The following ELMO1 variants were observed in gnomAD, a reference collection of about 807,000 sequenced individuals.
The protein encoded by ELMO1 is engulfment and cell motility protein 1.
Under a neutral mutation model 98.9 loss-of-function variants are expected in ELMO1, and 26 were observed. That is an observed-to-expected ratio of 0.26 (90% CI 0.19 to 0.36). The LOEUF (loss-of-function observed/expected upper bound fraction) is 0.36. ELMO1 is among the 10% of genes least tolerant of loss of function. The pLI is 1.00. For synonymous variants in ELMO1, 346 were observed against 346.0 expected (o/e 1.00, Z 0.00); for missense variants, 627 against 935.2 (o/e 0.67, Z 4.30).
intron 1 of ELMO1, among the ~76,000 whole-genome samples, chr7:37,445,140 T>C (rs1805558991): frequency 6.6e-6 from 1 of 152,212 alleles, no homozygotes; most frequent in South Asian, 2.1e-4. Context: ...ACTGCTGGTC[T>C]TGGCCTACTA....
chr7:37,224,933 T>C lies in ELMO1; in HGVS notation c.647A>G (p.Tyr216Cys), dbSNP rs1402144750. ...GGTGATCTCCTGCGCCACTTTCTGG[T>C]AGAGGTCATGGCTATTGAGCACCAT... ...ESMVLNSHDL[Y>C]QKVAQEITIG... is the part of the protein sequence containing the mutation. Residue 216 changes from tyrosine to cysteine, a missense_variant, in exon 9 of 22, where the codon TAC becomes TGC. Physicochemically the swap from Tyr to Cys is radical, Grantham distance 194. Transcript: ENST00000310758. 6.2e-7 allele frequency: 1 copy of C among 1,614,114 alleles called. No homozygotes were observed. Among genetic ancestry groups the C allele is most frequent in the Non-Finnish European group, 8.5e-7 (1 of 1,179,990 alleles).
chr7:37,187,657 T>A (rs1791296937), intron 13 of ELMO1, among the ~76,000 whole-genome samples: 1 of 152,156 alleles, frequency 6.6e-6, no homozygotes, highest in African/African-American at 2.4e-5. Flanking sequence ...CCAAATGAAT[T>A]CTGATAGTAA....
At chr7:37,385,816 C>A (rs1176071076) in intron 1 of ELMO1, among the ~76,000 whole-genome samples, 1 of 152,232 alleles carries the variant, frequency 6.6e-6, no homozygotes, top group East Asian at 1.9e-4. Flanking sequence ...TCTGCCTTCA[C>A]AGAGGCAGAA....
rs540871119 is a variant in ELMO1 at position 36,964,617 on chromosome 7, A to G, written c.1437+48682T>C. Among the ~76,000 whole-genome samples the G allele has an allele frequency of 2.0e-5, 3 of 152,264 alleles. No individual in the cohort carries two copies. The South Asian group carries it at 6.2e-4, about 32-fold the overall frequency. ...AAGAATGAAGGGCCTTCCTTTTTTTAACTAATTAGAATTATGTAAGGCATT... is the reference window on the plus strand; with the variant it reads ...AAGAATGAAGGGCCTTCCTTTTTTTGACTAATTAGAATTATGTAAGGCATT... On this transcript the variant is annotated intron_variant, in intron 16 of 21. Coordinates refer to ENST00000310758, the MANE Select transcript of ELMO1 (RefSeq NM_014800.11).
chr7:37,195,887 A>G (rs1791935147), intron 13 of ELMO1, among the ~76,000 whole-genome samples: 2 of 152,208 alleles, frequency 1.3e-5, no homozygotes, highest in Non-Finnish European at 2.9e-5. Flanking sequence ...GCTTTAGTAT[A>G]TGACATCACA....
intron 2 of ELMO1, among the ~76,000 whole-genome samples, chr7:37,323,339 A>C (rs1265429121): frequency 6.6e-6 from 1 of 152,212 alleles, no homozygotes; most frequent in African/African-American, 2.4e-5. Flanking sequence ...TACTAAAGAC[A>C]GTAAGTCCAC....
intron 13 of ELMO1, among the ~76,000 whole-genome samples, chr7:37,180,845 CAGAGAAAG>C (rs1790818999): frequency 6.6e-6 from 1 of 151,534 alleles, no homozygotes; most frequent in African/African-American, 2.4e-5. Flanking sequence ...CACACGCAAA[CAGAGAAAG>C]AGAGAAAGCA....
At chr7:37,006,769 C>G (rs185911061) in intron 16 of ELMO1, among the ~76,000 whole-genome samples, 3 of 152,304 alleles carry the variant, frequency 2.0e-5, no homozygotes, top group Non-Finnish European at 4.4e-5. Flanking sequence ...TGCTCTGTAC[C>G]ACAGTGCTTC....
chr7:37,170,594 C>G (rs893367681), intron 13 of ELMO1, among the ~76,000 whole-genome samples: 3 of 150,646 alleles, frequency 2.0e-5, no homozygotes, highest in Non-Finnish European at 4.4e-5. Flanking sequence ...CTTTCTCTCT[C>G]TCTTTCTCCT....
chr7:37,118,907 C>G (rs1019756218), intron 14 of ELMO1, among the ~76,000 whole-genome samples: 5 of 152,160 alleles, frequency 3.3e-5, no homozygotes, highest in Admixed American at 3.3e-4. Context: ...ACTGTGGCTA[C>G]CACCTCCATA....
intron 13 of ELMO1, among the ~76,000 whole-genome samples, chr7:37,210,091 T>TA (rs145677951): frequency 0.021 from 3,134 of 149,164 alleles, 118 homozygotes; most frequent in African/African-American, 0.071. Context: ...TGGAGAGAGT[T>TA]AAAAAAAAAA....
At chr7:37,205,960 A>G (rs533121228) in intron 13 of ELMO1, among the ~76,000 whole-genome samples, 1 of 152,294 alleles carries the variant, frequency 6.6e-6, no homozygotes, top group African/African-American at 2.4e-5. Context: ...TCTGCAACAT[A>G]AACATTGGCC....
intron 15 of ELMO1, among the ~76,000 whole-genome samples, chr7:37,054,660 A>G (rs1482613372): frequency 6.6e-6 from 1 of 152,186 alleles, no homozygotes; most frequent in Non-Finnish European, 1.5e-5. Context: ...GTTTATTCAT[A>G]CTACACTCAA....
intron 2 of ELMO1, among the ~76,000 whole-genome samples, chr7:37,339,351 A>T (rs867807333): frequency 3.9e-5 from 6 of 152,236 alleles, no homozygotes; most frequent in African/African-American, 1.2e-4. Flanking sequence ...GGTTCAGTTG[A>T]TAGACAAGGA....
chr7:37,045,019 C>T (rs34490714), intron 15 of ELMO1, among the ~76,000 whole-genome samples: 3,354 of 152,242 alleles, frequency 0.022, 57 homozygotes, highest in Non-Finnish European at 0.035. Context: ...ATTACTACGC[C>T]GGTATGAAGC....
chr7:36,948,320 A>T (rs1163552881), intron 16 of ELMO1, among the ~76,000 whole-genome samples: 2 of 152,188 alleles, frequency 1.3e-5, no homozygotes, highest in Admixed American at 1.3e-4. Flanking sequence ...TGACATCATC[A>T]TGTGCAAAAG....
At chr7:36,867,621 T>C (rs1354535678) in intron 20 of ELMO1, among the ~76,000 whole-genome samples, 1 of 152,124 alleles carries the variant, frequency 6.6e-6, no homozygotes, top group African/African-American at 2.4e-5. Context: ...TTCTTTCTTC[T>C]TTTCTAATGT....
At chr7:37,279,390 T>C (rs774054151) in intron 4 of ELMO1, among the ~76,000 whole-genome samples, 57 of 152,238 alleles carry the variant, frequency 3.7e-4, no homozygotes, top group Non-Finnish European at 7.2e-4. Context: ...AAGCTCGCTT[T>C]GTGGATTTTA....
chr7:37,138,482 A>G (rs1262035426), intron 13 of ELMO1, among the ~76,000 whole-genome samples: 1 of 152,342 alleles, frequency 6.6e-6, no homozygotes, highest in Non-Finnish European at 1.5e-5. Flanking sequence ...GAAGAGATGG[A>G]TAAATTCCTG....
Sources: gnomAD v4.1 joint callset for allele counts (sites outside exome capture counted in the v4.1 genomes callset) on GRCh38, gnomAD v4.1.1 for gene constraint, MANE v1.5 for transcripts, NCBI Gene and HGNC (gene_info 2026-07-23, HGNC 2026-07-21) for gene names.